The following NOTCH3 variants were observed in gnomAD, a reference collection of about 807,000 sequenced individuals.
NOTCH3 encodes the protein notch receptor 3.
A neutral mutation model predicts 213.3 loss-of-function variants in NOTCH3; 86 were observed. The ratio of observed to expected loss-of-function variants is 0.40; its 90% CI spans 0.34 to 0.48. The LOEUF is 0.48. Ranked by LOEUF, NOTCH3 falls within the 20% of genes least tolerant of loss-of-function variation. The pLI, the probability that NOTCH3 is intolerant of heterozygous loss-of-function variation, is 0.57. For missense variants in NOTCH3, 2,783 were observed against 3,272.6 expected (o/e 0.85, Z 3.65); for synonymous variants, 1,354 against 1,355.9 (o/e 1.00, Z 0.03).
In NOTCH3 at chr19:15,187,734, G is replaced by A. The variant is rs1203179842; in HGVS notation, c.1606+147C>T. On this transcript the variant is annotated intron_variant, in intron 10 of 32. Transcript: ENST00000263388. ...CACGTAGCCTTATGTCAGTCTATAT[G>A]CATTATTGGCTCCACCCCCCAACTC... 7 of 715,846 alleles carry A rather than the reference G, an allele frequency of 9.8e-6. 1 individual carries two copies. The highest frequency in any genetic ancestry group is 1.0e-5 in the Non-Finnish European group (4 of 396,984). The allele number at this position is 715,846 out of a possible 1,614,324, so 44.3% of individuals were successfully genotyped here. A position where few individuals can be genotyped will look rare whatever the true frequency, so the allele number is the denominator to read the frequency against.
At chr19:15,195,713 C>A (rs1380422423) in intron 2 of NOTCH3, among the ~76,000 whole-genome samples, 1 of 151,646 alleles carries the variant, frequency 6.6e-6, no homozygotes, top group African/African-American at 2.4e-5. Context: ...CGGCCCCGAC[C>A]GCGCGTCGGG....
chr19:15,167,218 G>T, intron 29 of NOTCH3, 31 bp downstream of exon 29: 1 of 1,604,030 alleles, frequency 6.2e-7, no homozygotes. Flanking sequence ...TGGGTGAGGG[G>T]CATCCCTTTG....
chr19:15,173,951 G>A (rs921816314), intron 25 of NOTCH3, 117 bp downstream of exon 25: 16 of 858,210 alleles, frequency 1.9e-5, no homozygotes, highest in African/African-American at 5.1e-5. Context: ...GCCAGGAGGC[G>A]GTGCTCCTGA....
intron 1 of NOTCH3, among the ~76,000 whole-genome samples, chr19:15,198,933 A>G (rs1233246273): frequency 2.0e-5 from 3 of 151,716 alleles, no homozygotes; most frequent in Non-Finnish European, 4.4e-5. Flanking sequence ...AGAGAGAAGG[A>G]CAGAAAGAAA....
chr19:15,169,651 T>G (rs1263292426), intron 28 of NOTCH3, among the ~76,000 whole-genome samples: 1 of 152,172 alleles, frequency 6.6e-6, no homozygotes, highest in East Asian at 1.9e-4. Flanking sequence ...CAAAGCTGAC[T>G]CATACTGAAC....
Position 15,165,551 on chromosome 19 carries a change from G to C in NOTCH3, c.5668-36C>G. 6.2e-7 allele frequency: 1 copy of C among 1,605,674 alleles called. No homozygotes were observed. Among genetic ancestry groups the C allele is most frequent in the Non-Finnish European group, 8.5e-7 (1 of 1,179,350 alleles). ...GAGTGGATGCAGCAGGAGGGGTCAT[G>C]GCAGGAACAGAGGAATCAGGAGCAC... On this transcript the variant is annotated intron_variant, in intron 30 of 32. Coordinates refer to ENST00000263388, the MANE Select transcript of NOTCH3 (RefSeq NM_000435.3). This position sits in a 1 kb window ranked among gnomAD's most constrained non-coding sequence, Gnocchi z 4.7.
In NOTCH3 at chr19:15,169,186, GTCTCTC is replaced by G. The variant is rs56916343; in HGVS notation, c.5199+894_5199+899del. The stretch of plus-strand genomic sequence containing the variant: ...AAGAAGAGGATGGGATGTCAAATCT[GTCTCTC>G]TCTCTCTCTCTCTCTCTCTCTCTCT... On this transcript the variant is annotated intron_variant, in intron 28 of 32. Transcript: ENST00000263388. Among the ~76,000 whole-genome samples the G allele has an allele frequency of 5.4e-3, 799 of 146,726 alleles. 13 individuals are homozygous for G. The highest frequency in any genetic ancestry group is 0.038 in the East Asian group (186 of 4,886).
Position 15,161,076 on chromosome 19 carries a change from C to G in NOTCH3, c.6552G>C (p.Ser2184=), listed in dbSNP as rs1478793568. The G allele has an allele frequency of 6.5e-7, 1 of 1,541,262 alleles. No homozygotes were observed. Among genetic ancestry groups the G allele is most frequent in the Non-Finnish European group, 8.7e-7 (1 of 1,149,010 alleles). Residue 2184 remains serine, a synonymous_variant, in exon 33 of 33, where the codon TCG becomes TCC. Coordinates refer to ENST00000263388, the MANE Select transcript of NOTCH3 (RefSeq NM_000435.3). ...RLPPPAPPGP[S]FLLPLAPGPQ... ...GTCCCGGCGCCAGTGGCAGCAGGAA[C>G]GAGGGGCCTGGAGGGGCAGGTGGGG...
chr19:15,175,920 G>A (rs1418830756), intron 24 of NOTCH3, among the ~76,000 whole-genome samples: 1 of 151,446 alleles, frequency 6.6e-6, no homozygotes, highest in Non-Finnish European at 1.5e-5. Context: ...TTAAGGGGGT[G>A]GAGGGTTCCA....
chr19:15,199,339 G>A (rs1020442258), intron 1 of NOTCH3, among the ~76,000 whole-genome samples: 21 of 152,230 alleles, frequency 1.4e-4, no homozygotes, highest in Non-Finnish European at 2.4e-4. Flanking sequence ...TCTGTTGTGC[G>A]TCTGTGTATG....
At chr19:15,200,236 C>T (rs1465116067) in intron 1 of NOTCH3, among the ~76,000 whole-genome samples, 1 of 151,546 alleles carries the variant, frequency 6.6e-6, no homozygotes, top group Non-Finnish European at 1.5e-5. Context: ...GCGCGCGCGC[C>T]GCCGAGGCTC....
intron 2 of NOTCH3, 142 bp downstream of exon 2, chr19:15,197,358 C>G: frequency 1.3e-6 from 1 of 786,944 alleles, no homozygotes; most frequent in South Asian, 1.5e-5. Context: ...TGGGGAAACA[C>G]GAGAGGTTGC....
rs1568344834 is a variant in NOTCH3 at position 15,160,769 on chromosome 19, G to T, written c.6859C>A (p.Leu2287Met). ...GACAAGGGAAGTGGCTGGGCAGGCA[G>T]TGCCCCAGTGGTGGTGGCCATGGCC... ...TGAMATTTGA[L>M]PAQPLPLSVP... is the part of the protein sequence containing the mutation. Residue 2287 changes from leucine to methionine, a missense_variant, in exon 33 of 33, where the codon CTG (leucine) becomes ATG (methionine). By Grantham distance (15) the Leu-to-Met change is conservative. Coordinates refer to ENST00000263388, the MANE Select transcript of NOTCH3 (RefSeq NM_000435.3). 6.2e-7 allele frequency: 1 copy of T among 1,613,878 alleles called. No homozygotes were observed. Among genetic ancestry groups the T allele is most frequent in the East Asian group, 2.2e-5 (1 of 44,860 alleles).
At chr19:15,179,743 G>T in intron 20 of NOTCH3, 1 of 590,988 alleles carries the variant, frequency 1.7e-6, no homozygotes, top group East Asian at 2.9e-5. Context: ...TTAGCTGGGC[G>T]TGGTGGTGGG....
chr19:15,165,692 G>GA lies in NOTCH3; in HGVS notation c.5667+94dup. 1 of 1,480,128 alleles carries GA rather than the reference G, an allele frequency of 6.8e-7. No individual in the cohort carries two copies. The highest frequency in any genetic ancestry group is 9.2e-7 in the Non-Finnish European group (1 of 1,084,270). 91.7% of individuals were successfully genotyped at this position (1,480,128 alleles called of 1,614,324 possible). On this transcript the variant is annotated intron_variant, in intron 30 of 32. Transcript: ENST00000263388. This position sits in a 1 kb window ranked among gnomAD's most constrained non-coding sequence, Gnocchi z 4.7. ...CCATATATCCCCATTTTCCAAATGAGAAAAAATGAGTCTGAAAGGCAGAAC... is the reference window on the plus strand; with the variant it reads ...CCATATATCCCCATTTTCCAAATGAGAAAAAAATGAGTCTGAAAGGCAGAAC...
At chr19:15,169,910 G>A (rs1015563106) in intron 28 of NOTCH3, among the ~76,000 whole-genome samples, 176 bp downstream of exon 28, 1 of 152,170 alleles carries the variant, frequency 6.6e-6, no homozygotes, top group African/African-American at 2.4e-5. Context: ...TCCCTCTGAG[G>A]TCACAGAACC....
rs755093899 is a variant in NOTCH3, at chr19:15,186,939, G to A, written c.1890C>T (p.Thr630=). The part of the protein sequence containing the change: ...NIDDCASNPC[T]FGVCRDGINR... ...TGATGCCATCACGGCAGACTCCAAA[G>A]GTGCAGGGGTTGCTGGCACAGTCGT... The change falls in exon 12 of 33, where the codon ACC becomes ACT. Residue 630 remains threonine (T), a synonymous_variant. Coordinates refer to ENST00000263388, the MANE Select transcript of NOTCH3 (RefSeq NM_000435.3). 20 of 1,614,100 alleles carry A rather than the reference G, an allele frequency of 1.2e-5. No homozygotes were observed. The highest frequency in any genetic ancestry group is 1.7e-5 in the Non-Finnish European group (20 of 1,180,050).
chr19:15,168,044 C>T (rs1279229780), intron 28 of NOTCH3, among the ~76,000 whole-genome samples: 1 of 152,020 alleles, frequency 6.6e-6, no homozygotes, highest in Non-Finnish European at 1.5e-5. Context: ...CTCAAATGAT[C>T]CTCCCACCTC....
At position 15,160,411 on chromosome 19, in the gene NOTCH3, G is replaced by A. The variant is rs943176081; in HGVS notation, c.*251C>T. 17 of 542,818 alleles carry A rather than the reference G, an allele frequency of 3.1e-5. No individual in the cohort carries two copies. In the South Asian group the frequency reaches 3.9e-4, roughly 13 times the overall value. The allele number at this position is 542,818 out of a possible 1,614,324, so 33.6% of individuals were successfully genotyped here. A position where few individuals can be genotyped will look rare whatever the true frequency, so the allele number is the denominator to read the frequency against. On this transcript the variant is annotated 3_prime_UTR_variant, in exon 33 of 33. Coordinates refer to ENST00000263388, the MANE Select transcript of NOTCH3 (RefSeq NM_000435.3). ...AAAGGAATGAGGGAAGAGAGAAGTG[G>A]GGAAGAAGGAGGTCCCAGACTCTTC...
Sources: allele counts gnomAD v4.1 joint callset (sites outside exome capture counted in the v4.1 genomes callset), GRCh38; gene constraint gnomAD v4.1.1; non-coding constraint Gnocchi (gnomAD v3.1); transcripts MANE v1.5; gene names NCBI Gene and HGNC (gene_info 2026-07-23, HGNC 2026-07-21).